CHAF1A: variants seen among roughly 807,000 people sequenced by gnomAD.
The protein encoded by CHAF1A is chromatin assembly factor 1 subunit A.
A neutral mutation model predicts 93.2 loss-of-function variants in CHAF1A; 5 were observed. The ratio of observed to expected loss-of-function variants is 0.05; its 90% confidence interval spans 0.03 to 0.11. The LOEUF (loss-of-function observed/expected upper bound fraction) is 0.11, where lower values mean the gene tolerates loss of function less well. CHAF1A is among the 10% of genes least tolerant of loss of function. The pLI is 1.00. For synonymous variants in CHAF1A, 504 were observed against 510.3 expected (o/e 0.99, Z 0.17); for missense variants, 1,102 against 1,259.9 (o/e 0.87, Z 1.90).
chr19:4,448,546 C>G, downstream of CHAF1A: 1 of 742,336 alleles, frequency 1.3e-6, no homozygotes, highest in Admixed American at 2.3e-5. Flanking sequence ...GTGCGCTCAT[C>G]ACAGAAAGGA....
At chr19:4,440,109 G>A (rs900394799) in intron 13 of CHAF1A, among the ~76,000 whole-genome samples, 2 of 152,162 alleles carry the variant, frequency 1.3e-5, no homozygotes, top group African/African-American at 2.4e-5. Context: ...GTGTTGCTGT[G>A]CGGTCACTTT....
At chr19:4,414,237 C>CA (rs1973858664) in intron 3 of CHAF1A, among the ~76,000 whole-genome samples, 1 of 151,816 alleles carries the variant, frequency 6.6e-6, no homozygotes, top group South Asian at 2.1e-4. Flanking sequence ...TCCGTCTGTA[C>CA]AAAAAATACA....
intron 3 of CHAF1A, among the ~76,000 whole-genome samples, chr19:4,415,895 C>T (rs766571518): frequency 1.5e-4 from 23 of 152,020 alleles, no homozygotes; most frequent in Non-Finnish European, 3.1e-4. Flanking sequence ...CACTGTTGGC[C>T]GGGCGCGGTG....
chr19:4,448,218 C>T, downstream of CHAF1A: 2 of 1,105,592 alleles, frequency 1.8e-6, no homozygotes, highest in East Asian at 2.6e-5. Context: ...CAACCCACCT[C>T]AGCAGGTAAT....
At chr19:4,413,693 TG>T (rs1417079088) in intron 3 of CHAF1A, among the ~76,000 whole-genome samples, 1 of 152,152 alleles carries the variant, frequency 6.6e-6, no homozygotes, top group African/African-American at 2.4e-5. Flanking sequence ...TAAAAGAAAA[TG>T]GGAGTTTGTT....
chr19:4,430,882 T>G (rs529904793), intron 11 of CHAF1A: 8 of 513,878 alleles, frequency 1.6e-5, no homozygotes, highest in African/African-American at 7.7e-5. Flanking sequence ...GACACCCTGG[T>G]GAGGGAGCGT....
At chr19:4,440,924 C>A (rs893403700) in intron 13 of CHAF1A, among the ~76,000 whole-genome samples, 1 of 151,222 alleles carries the variant, frequency 6.6e-6, no homozygotes, top group African/African-American at 2.4e-5. Context: ...TCGAGACCAG[C>A]CTGGCCAACA....
intron 11 of CHAF1A, 108 bp from the exon 12 acceptor site, chr19:4,431,843 CT>C (rs1974187895): frequency 7.0e-7 from 1 of 1,434,176 alleles, no homozygotes. Flanking sequence ...TTTTGTGCCC[CT>C]GTCCTTTCCT....
rs763679961 is a variant in CHAF1A at position 4,432,033 on chromosome 19, C to T, written c.2029C>T (p.Arg677Cys). The T allele has an allele frequency of 1.9e-6, 3 of 1,614,144 alleles. No homozygotes were observed. Among genetic ancestry groups the T allele is most frequent in the Non-Finnish European group, 2.5e-6 (3 of 1,180,024 alleles). ...GGACGAGTTCCTGGCTAAGGGGAAG[C>T]GCTTTCGCGTCCTGCAACCTGTGAA... is the stretch of plus-strand genomic sequence containing the variant. ...EWDEFLAKGK[R>C]FRVLQPVKIG... is the part of the protein sequence containing the mutation. The change falls in exon 12 of 15, where the codon CGC becomes TGC. Residue 677 changes from arginine to cysteine, a missense_variant. Physicochemically the swap from Arg to Cys is radical, Grantham distance 180 (BLOSUM62 -3). Around this residue, in one of 6 missense-constraint regions of CHAF1A, gnomAD observed 335 missense variants for 361.9 expected, o/e 0.93. Coordinates refer to ENST00000301280, the MANE Select transcript of CHAF1A (RefSeq NM_005483.3).
At chr19:4,417,915 A>G (rs771665542) in intron 3 of CHAF1A, 105 bp from the exon 4 acceptor site, 3 of 713,876 alleles carry the variant, frequency 4.2e-6, no homozygotes, top group African/African-American at 3.6e-5. Context: ...CTATTATGAC[A>G]TTTTGGTTCT....
At chr19:4,421,998 C>A (rs371469500) in intron 4 of CHAF1A, among the ~76,000 whole-genome samples, 2 of 151,514 alleles carry the variant, frequency 1.3e-5, no homozygotes, top group African/African-American at 2.4e-5. Context: ...CCCTCCACCA[C>A]GCCTGGCTAA....
chr19:4,422,378 A>G lies in CHAF1A; in HGVS notation c.1018-188A>G, dbSNP rs1165751311. On this transcript the variant is annotated intron_variant, in intron 4 of 14. Transcript: ENST00000301280. This position sits in a 1 kb window ranked among gnomAD's most constrained non-coding sequence, Gnocchi z 4.6. ...TGACCAGGCTGGTCTCAAACTCCTG[A>G]CCTCAGGTGATCTACCCACCTCAGC... Among the ~76,000 whole-genome samples, 1 of 151,506 alleles carries G rather than the reference A, an allele frequency of 6.6e-6. No individual in the cohort carries two copies. Among genetic ancestry groups the G allele is most frequent in the African/African-American group, 2.4e-5 (1 of 40,984 alleles).
In CHAF1A at chr19:4,429,152, A is replaced by G. The variant is rs1001619140; in HGVS notation, c.1604+262A>G. 1.6e-4 allele frequency: 92 copies of G among 592,766 alleles called. No individual in the cohort carries two copies. The African/African-American group carries it at 1.6e-3, about 10-fold the overall frequency. 36.7% of individuals were successfully genotyped at this position (592,766 alleles called of 1,614,324 possible). ...TGGTCTCCAGTGAAGGATACCCCCC[A>G]ACACCTCGCTCTTGCAAATCTCATT... On this transcript the variant is annotated intron_variant, in intron 8 of 14. Transcript: ENST00000301280.
At chr19:4,447,133 G>A, downstream of CHAF1A, 1 of 604,822 alleles carries the variant, frequency 1.7e-6, no homozygotes, top group South Asian at 2.0e-5. Context: ...AGAGGAAAGA[G>A]TCACAACCAG....
At chr19:4,408,208 T>C (rs1973717042) in intron 2 of CHAF1A, among the ~76,000 whole-genome samples, 1 of 149,318 alleles carries the variant, frequency 6.7e-6, no homozygotes, top group Non-Finnish European at 1.5e-5. Context: ...TTTTTTTTTT[T>C]CTTTTGAGAG....
Position 4,429,561 on chromosome 19 carries a change from G to A in CHAF1A, c.1728G>A (p.Lys576=). 6.2e-7 allele frequency: 1 copy of A among 1,614,096 alleles called. No homozygotes were observed. The change falls in exon 9 of 15, where the codon AAG becomes AAA. Residue 576 remains lysine (K), a synonymous_variant. Transcript: ENST00000301280. ...HRPAYWGTWN[K]KTALIRARDP... is the part of the protein sequence containing the mutation. ...CTGCCTACTGGGGTACCTGGAATAA[G>A]AAGACGGCACTCATCCGCGCGCGAG... is the stretch of plus-strand genomic sequence containing the variant.
chr19:4,415,066 G>T (rs1973874864), intron 3 of CHAF1A, among the ~76,000 whole-genome samples: 1 of 152,096 alleles, frequency 6.6e-6, no homozygotes, highest in Non-Finnish European at 1.5e-5. Flanking sequence ...GGGATTGTCG[G>T]TTTTTGTGTT....
chr19:4,412,974 C>T (rs542550757), intron 3 of CHAF1A, among the ~76,000 whole-genome samples: 1 of 152,250 alleles, frequency 6.6e-6, no homozygotes, highest in Non-Finnish European at 1.5e-5. Context: ...CTGAGAGAGA[C>T]TCCATCCCCA....
downstream of CHAF1A, chr19:4,445,406 C>T (rs1436617373): frequency 1.3e-6 from 2 of 1,576,338 alleles, no homozygotes; most frequent in Non-Finnish European, 1.7e-6. Flanking sequence ...CAAGTATTTC[C>T]AGAGGTGGCT....
Sources: gnomAD v4.1 joint callset for allele counts (sites outside exome capture counted in the v4.1 genomes callset) on GRCh38, gnomAD v4.1.1 for gene constraint, gnomAD v4.1.1 regional missense constraint, Gnocchi (gnomAD v3.1) non-coding constraint, MANE v1.5 for transcripts, NCBI Gene and HGNC (gene_info 2026-07-23, HGNC 2026-07-21) for gene names.